FAT4: variants seen among roughly 807,000 people sequenced by gnomAD.
The protein encoded by FAT4 is FAT atypical cadherin 4, also known as protocadherin Fat 4.
FAT4 carries 84 observed loss-of-function variants against 303.9 expected under a neutral mutation model. The observed-to-expected ratio is 0.28, with a 90% CI of 0.23 to 0.33. FAT4 has a LOEUF of 0.33. Ranked by LOEUF, FAT4 falls within the 10% of genes least tolerant of loss-of-function variation. The pLI, the probability that FAT4 is intolerant of heterozygous loss-of-function variation, is 1.00. For missense variants in FAT4, 6,005 were observed against 6,146.8 expected (o/e 0.98, Z 0.77); for synonymous variants, 2,307 against 2,298.8 (o/e 1.00, Z -0.10).
chr4:125,332,159 CTTT>C (rs199702900), intron 2 of FAT4, among the ~76,000 whole-genome samples: 3 of 133,300 alleles, frequency 2.3e-5, no homozygotes, highest in African/African-American at 2.8e-5. Context: ...CCGTTCCATT[CTTT>C]TTTTTTTTTT....
intron 2 of FAT4, among the ~76,000 whole-genome samples, chr4:125,361,519 C>T (rs1732669048): frequency 1.3e-5 from 2 of 152,042 alleles, no homozygotes; most frequent in South Asian, 4.1e-4. Flanking sequence ...GGTGATCTGA[C>T]AAGTGTTCAT....
At chr4:125,347,026 C>T (rs927152122) in intron 2 of FAT4, among the ~76,000 whole-genome samples, 1 of 151,788 alleles carries the variant, frequency 6.6e-6, no homozygotes, top group Non-Finnish European at 1.5e-5. Context: ...GGAATGGGAG[C>T]ATTTACACTT....
intron 12 of FAT4, 70 bp from the exon 13 acceptor site, chr4:125,476,101 A>T (rs1727019432): frequency 2.6e-6 from 2 of 781,264 alleles, no homozygotes; most frequent in Non-Finnish European, 4.3e-6. Context: ...AGTCATGGGT[A>T]GTGTTGGCTG....
intron 16 of FAT4, among the ~76,000 whole-genome samples, chr4:125,483,356 G>C (rs1578696084): frequency 6.6e-6 from 1 of 152,322 alleles, no homozygotes; most frequent in East Asian, 1.9e-4. Flanking sequence ...GAGAGGCTTT[G>C]ACATTGAGGT....
intron 12 of FAT4, among the ~76,000 whole-genome samples, chr4:125,470,090 G>A (rs1335757792): frequency 6.6e-6 from 1 of 152,166 alleles, no homozygotes; most frequent in Admixed American, 6.5e-5. Context: ...CATTGTCAGA[G>A]CTTTTGGGTG....
rs757307756 is a variant in FAT4, at chr4:125,317,941, G to A, written c.1530G>A (p.Leu510=). The A allele has an allele frequency of 6.2e-7, 1 of 1,614,152 alleles. No homozygotes were observed. The highest frequency in any genetic ancestry group is 8.5e-7 in the Non-Finnish European group (1 of 1,180,036). The change falls in exon 2 of 18, where the codon CTG becomes CTA. Residue 510 remains leucine, a synonymous_variant. Transcript: ENST00000394329. The surrounding 1 kb of genome is among the most constrained non-coding windows in gnomAD (Gnocchi z 7.0). ...GCGACTCTGGTCTCAATGCTAATCT[G>A]CGTTACAGCATTGTCTCTGGCAATG... The part of the protein sequence containing the change: ...TDGDSGLNAN[L]RYSIVSGNGL...
At chr4:125,329,456 T>G (rs778100651) in intron 2 of FAT4, among the ~76,000 whole-genome samples, 1 of 152,224 alleles carries the variant, frequency 6.6e-6, no homozygotes, top group Non-Finnish European at 1.5e-5. Context: ...TTTTATTTCT[T>G]GGACCAATCA....
chr4:125,448,452 C>T lies in FAT4; in HGVS notation c.7451-9C>T. 2 of 1,582,776 alleles carry T rather than the reference C, an allele frequency of 1.3e-6. No individual in the cohort carries two copies. Among genetic ancestry groups the T allele is most frequent in the Non-Finnish European group, 1.7e-6 (2 of 1,166,756 alleles). On this transcript the variant is annotated splice_polypyrimidine_tract_variant and intron_variant, in intron 9 of 17. Coordinates refer to ENST00000394329, the MANE Select transcript of FAT4 (RefSeq NM_001291303.3). ...ACGTGAGTATAACTGCACACTTTCTCTTTTATAGGTTCCTTTGTCTTTGCG... is the reference window on the plus strand; with the variant it reads ...ACGTGAGTATAACTGCACACTTTCTTTTTTATAGGTTCCTTTGTCTTTGCG...
Position 125,491,001 on chromosome 4 carries a change from G to GA in FAT4, c.14186dup (p.Asp4729GlufsTer3). 6.2e-7 allele frequency: 1 copy of GA among 1,614,182 alleles called. No individual in the cohort carries two copies. Among genetic ancestry groups the GA allele is most frequent in the African/African-American group, 1.3e-5 (1 of 75,058 alleles). The stretch of plus-strand genomic sequence containing the variant: ...AAGGGAATTGCATCTTCCTATAAGG[G>GA]ATGGTAATACTTTGGAAATGCATGG... On this transcript the variant is annotated frameshift_variant, in exon 18 of 18. Coordinates refer to ENST00000394329, the MANE Select transcript of FAT4 (RefSeq NM_001291303.3). LOFTEE classifies it high-confidence loss of function.
intron 12 of FAT4, among the ~76,000 whole-genome samples, chr4:125,471,836 G>A (rs992792664): frequency 7.4e-6 from 1 of 135,756 alleles, no homozygotes. Context: ...CGGATCACGA[G>A]GTCAGGAGAT....
chr4:125,385,315 G>A (rs963072532), intron 2 of FAT4, among the ~76,000 whole-genome samples: 7 of 151,944 alleles, frequency 4.6e-5, no homozygotes, highest in South Asian at 2.1e-4. Flanking sequence ...GAGCCACTGC[G>A]CCCTGCCAAT....
chr4:125,422,811 G>A (rs912232466), intron 7 of FAT4, among the ~76,000 whole-genome samples: 4 of 152,174 alleles, frequency 2.6e-5, no homozygotes, highest in Non-Finnish European at 5.9e-5. Flanking sequence ...CAGAATAAGA[G>A]AGAAAAATGT....
At chr4:125,404,632 T>C (rs1011051872) in intron 3 of FAT4, among the ~76,000 whole-genome samples, 16 of 152,162 alleles carry the variant, frequency 1.1e-4, no homozygotes, top group African/African-American at 3.9e-4. Context: ...TACAATACAG[T>C]ATTGTTAACT....
At chr4:125,426,895 T>G (rs115061451) in intron 7 of FAT4, among the ~76,000 whole-genome samples, 50 of 152,128 alleles carry the variant, frequency 3.3e-4, no homozygotes, top group African/African-American at 1.1e-3. Flanking sequence ...ACCAACATGA[T>G]TTCATTATGA....
At chr4:125,428,915 T>TG (rs1450937806) in intron 7 of FAT4, among the ~76,000 whole-genome samples, 1 of 152,196 alleles carries the variant, frequency 6.6e-6, no homozygotes, top group Non-Finnish European at 1.5e-5. Flanking sequence ...CAGGAGCCCG[T>TG]GTCATTATAT....
At chr4:125,346,999 A>G (rs1434093364) in intron 2 of FAT4, among the ~76,000 whole-genome samples, 1 of 151,988 alleles carries the variant, frequency 6.6e-6, no homozygotes, top group Admixed American at 6.6e-5. Context: ...TATTTAAGAT[A>G]TAATTCAGTG....
Position 125,490,227 on chromosome 4 carries a change from C to G in FAT4, c.13411C>G (p.Leu4471Val). The G allele has an allele frequency of 6.2e-7, 1 of 1,614,176 alleles. No individual in the cohort carries two copies. The highest frequency in any genetic ancestry group is 2.2e-5 in the East Asian group (1 of 44,840). Residue 4471 changes from leucine to valine, a missense_variant, in exon 18 of 18, where the codon CTT (leucine) becomes GTT (valine). Leu to Val is a conservative substitution (Grantham distance 32). Coordinates refer to ENST00000394329, the MANE Select transcript of FAT4 (RefSeq NM_001291303.3). ...GACCTGTGAGATGGTGGTGGCCTGT[C>G]TTGGCGTCCTCTGTCCTCAGGGGAA... ...GRTCEMVVACLGVLCPQGKVC... is the reference protein window; with the variant it reads ...GRTCEMVVACVGVLCPQGKVC...
At position 125,316,703 on chromosome 4, in the gene FAT4, C is replaced by A. The variant is rs1369962390; in HGVS notation, c.292C>A (p.Arg98Ser). Residue 98 changes from arginine (R) to serine (S), a missense_variant, in exon 2 of 18, where the codon CGC (arginine) becomes AGC (serine). Arg to Ser is a moderately radical substitution (Grantham distance 110). Coordinates refer to ENST00000394329, the MANE Select transcript of FAT4 (RefSeq NM_001291303.3). The surrounding 1 kb of genome is among the most constrained non-coding windows in gnomAD (Gnocchi z 5.7). ...GALYTTSTID[R>S]ESLPSDVINL... is the part of the protein sequence containing the mutation. ...CCTGTACACCACCTCCACCATCGAC[C>A]GCGAGAGCCTGCCCAGCGACGTGAT... is the stretch of plus-strand genomic sequence containing the variant. The A allele has an allele frequency of 6.2e-7, 1 of 1,613,632 alleles. No individual in the cohort carries two copies. Among genetic ancestry groups the A allele is most frequent in the Non-Finnish European group, 8.5e-7 (1 of 1,180,032 alleles).
chr4:125,402,888 T>C (rs939428902), intron 3 of FAT4, among the ~76,000 whole-genome samples: 2 of 152,006 alleles, frequency 1.3e-5, no homozygotes, highest in African/African-American at 4.8e-5. Context: ...TTTAGGTAAG[T>C]ATATTAAATT....
Sources: gnomAD v4.1 joint callset for allele counts (sites outside exome capture counted in the v4.1 genomes callset) on GRCh38, gnomAD v4.1.1 for gene constraint, Gnocchi (gnomAD v3.1) non-coding constraint, MANE v1.5 for transcripts, NCBI Gene and HGNC (gene_info 2026-07-23, HGNC 2026-07-21) for gene names.